HDLBP: variants seen among roughly 807,000 people sequenced by gnomAD.
HDLBP encodes high density lipoprotein binding protein.
HDLBP carries 30 observed loss-of-function variants against 137.3 expected under a neutral mutation model. The observed-to-expected ratio is 0.22, with a 90% CI of 0.16 to 0.30. The LOEUF (loss-of-function observed/expected upper bound fraction) is 0.30. Among genes scored for constraint, HDLBP ranks in the 10% least tolerant of loss-of-function variants. The pLI is 1.00. For synonymous variants in HDLBP, 606 were observed against 596.0 expected (o/e 1.02, Z -0.24); for missense variants, 1,119 against 1,667.3 (o/e 0.67, Z 5.73).
At chr2:241,277,248 GA>G (rs2074422579) in intron 1 of HDLBP, among the ~76,000 whole-genome samples, 2 of 151,302 alleles carry the variant, frequency 1.3e-5, no homozygotes, top group African/African-American at 4.9e-5. Flanking sequence ...TAGTGAAGAG[GA>G]AAAAAATAAA....
chr2:241,247,146 A>G lies in HDLBP; in HGVS notation c.1732-4T>C. 6.3e-7 allele frequency: 1 copy of G among 1,594,194 alleles called. No homozygotes were observed. Among genetic ancestry groups the G allele is most frequent in the Non-Finnish European group, 8.6e-7 (1 of 1,161,850 alleles). ...AAATTGAATAGCTATTTTCCACCTTAAAGACAAAAAACACAGCCCGATTCA... is the reference window on the plus strand; with the variant it reads ...AAATTGAATAGCTATTTTCCACCTTGAAGACAAAAAACACAGCCCGATTCA... On this transcript the variant is annotated splice_region_variant and splice_polypyrimidine_tract_variant and intron_variant, in intron 14 of 27. Transcript: ENST00000310931.
chr2:241,247,180 G>T, intron 14 of HDLBP, 38 bp from the exon 15 acceptor site: 1 of 1,315,586 alleles, frequency 7.6e-7, no homozygotes, highest in Non-Finnish European at 1.1e-6. Context: ...CACCACCTGT[G>T]CTAGAGAGTA....
At chr2:241,234,536 T>C (rs143954639) in intron 23 of HDLBP, among the ~76,000 whole-genome samples, 1 of 152,158 alleles carries the variant, frequency 6.6e-6, no homozygotes, top group South Asian at 2.1e-4. Flanking sequence ...GCCAACCCCC[T>C]TAGCAAACCA....
rs1409686466 is a variant in HDLBP at position 241,233,179 on chromosome 2, G to GCAGAGC, written c.3288+640_3288+641insGCTCTG. ...ACACGCCTAGGAAGCAGACACCCCA[G>GCAGAGC]CAGGATGCCAGAGCCAGGAAAGACC... On this transcript the variant is annotated intron_variant, in intron 24 of 27. Coordinates refer to ENST00000310931, the MANE Select transcript of HDLBP (RefSeq NM_005336.6). This position sits in a 1 kb window ranked among gnomAD's most constrained non-coding sequence, Gnocchi z 4.3. 3.3e-5 allele frequency among the ~76,000 whole-genome samples: 5 copies of GCAGAGC among 152,214 alleles called. No homozygotes were observed. Among genetic ancestry groups the GCAGAGC allele is most frequent in the Non-Finnish European group, 1.5e-5 (1 of 68,036 alleles).
intron 1 of HDLBP, among the ~76,000 whole-genome samples, chr2:241,288,848 T>G (rs2149645318): frequency 6.6e-6 from 1 of 152,294 alleles, no homozygotes; most frequent in Middle Eastern, 3.4e-3. Context: ...CCATTCCCCT[T>G]TAGTCCTGCA....
At chr2:241,307,086 A>C (rs1216832378) in intron 1 of HDLBP, among the ~76,000 whole-genome samples, 2 of 95,304 alleles carry the variant, frequency 2.1e-5, no homozygotes, top group South Asian at 4.2e-4. Flanking sequence ...GGCGGGGGGG[A>C]CAGGGGGGCA....
chr2:241,267,993 C>CT (rs1649384700), intron 2 of HDLBP: 1 of 974,380 alleles, frequency 1.0e-6, no homozygotes, highest in Non-Finnish European at 1.2e-6. Context: ...CTCTCCTTCC[C>CT]TCTCCTTCCC....
Position 241,272,694 on chromosome 2 carries a change from G to GC in HDLBP, c.-102-4154dup. The GC allele has an allele frequency of 3.9e-6, 2 of 513,984 alleles. No homozygotes were observed. The highest frequency in any genetic ancestry group is 9.8e-5 in the South Asian group (1 of 10,210). The allele number at this position is 513,984 out of a possible 1,614,324, so 31.8% of individuals were successfully genotyped here. ...GTCAGCAGCCACCCCCCACCCCCCC[G>GC]CCCGGCAGCCCGCCCGCCCCGTCCG... On this transcript the variant is annotated intron_variant, in intron 1 of 27. Coordinates refer to ENST00000310931, the MANE Select transcript of HDLBP (RefSeq NM_005336.6). The surrounding 1 kb of genome is among the most constrained non-coding windows in gnomAD (Gnocchi z 5.6).
At chr2:241,258,711 A>T (rs528129340) in intron 5 of HDLBP, among the ~76,000 whole-genome samples, 1 of 152,326 alleles carries the variant, frequency 6.6e-6, no homozygotes, top group Admixed American at 6.5e-5. Context: ...AACTTTCCTA[A>T]CAATGACTCA....
chr2:241,314,807 C>T (rs907411079), intron 1 of HDLBP, among the ~76,000 whole-genome samples: 1 of 152,184 alleles, frequency 6.6e-6, no homozygotes, highest in Non-Finnish European at 1.5e-5. Flanking sequence ...CTCAGGTTCC[C>T]AACACCATGC....
At chr2:241,235,345 A>C in intron 22 of HDLBP, 90 bp from the exon 23 acceptor site, 1 of 1,556,488 alleles carries the variant, frequency 6.4e-7, no homozygotes, top group African/African-American at 1.3e-5. Context: ...GGTGAGAGGG[A>C]AGGCCACCCG....
intron 17 of HDLBP, among the ~76,000 whole-genome samples, chr2:241,241,882 AG>A (rs1478457334): frequency 6.6e-6 from 1 of 152,224 alleles, no homozygotes; most frequent in Non-Finnish European, 1.5e-5. Flanking sequence ...AATCCTCGCC[AG>A]TCTCATCTTC....
intron 1 of HDLBP, chr2:241,302,828 C>G (rs967914207): frequency 6.6e-6 from 1 of 152,288 alleles, no homozygotes; most frequent in Admixed American, 6.5e-5. Flanking sequence ...TTGGCACCCA[C>G]GAGAAAACTG....
intron 1 of HDLBP, chr2:241,279,928 G>A: frequency 1.0e-6 from 1 of 985,164 alleles, no homozygotes; most frequent in Non-Finnish European, 1.2e-6. Flanking sequence ...TCCTCTCTTT[G>A]CTTTAACTTA....
intron 1 of HDLBP, among the ~76,000 whole-genome samples, chr2:241,290,409 G>A (rs1444132341): frequency 2.6e-5 from 4 of 152,034 alleles, no homozygotes; most frequent in African/African-American, 7.2e-5. Flanking sequence ...TCGGGAGTTC[G>A]AGACCAGCCT....
intron 1 of HDLBP, among the ~76,000 whole-genome samples, chr2:241,284,520 G>A (rs1367807689): frequency 2.6e-5 from 4 of 152,238 alleles, no homozygotes; most frequent in Non-Finnish European, 5.9e-5. Context: ...GATGCTGAAT[G>A]AAGATGTTGT....
chr2:241,264,583 C>G lies in HDLBP; in HGVS notation c.99G>C (p.Glu33Asp). 6.2e-7 allele frequency: 1 copy of G among 1,613,898 alleles called. No homozygotes were observed. The change falls in exon 4 of 28, where the codon GAG (glutamate) becomes GAC (aspartate). Residue 33 changes from glutamate to aspartate, a missense_variant. By Grantham distance (45) the Glu-to-Asp change is conservative. Coordinates refer to ENST00000310931, the MANE Select transcript of HDLBP (RefSeq NM_005336.6). Reference protein sequence around the residue: ...QIKVATLNSEEESDPPTYKDA... With the variant: ...QIKVATLNSEDESDPPTYKDA... ...CCTTGTAGGTTGGAGGGTCGCTCTC[C>G]TCTTCTGAATTTAGAGTGGCAACTG...
At chr2:241,276,333 G>A (rs1197377159) in intron 1 of HDLBP, among the ~76,000 whole-genome samples, 1 of 152,148 alleles carries the variant, frequency 6.6e-6, no homozygotes, top group Non-Finnish European at 1.5e-5. Flanking sequence ...TTAGGTGGTA[G>A]GTTCAGCGGT....
Position 241,239,336 on chromosome 2 carries a change from CCTCT to C in HDLBP, c.2610+262_2610+265del, listed in dbSNP as rs111731294. 1.3e-5 allele frequency among the ~76,000 whole-genome samples: 2 copies of C among 151,570 alleles called. No individual in the cohort carries two copies. The highest frequency in any genetic ancestry group is 1.5e-5 in the Non-Finnish European group (1 of 67,878). ...TTTCTTTCTTTCTCTTGCTTTCTTTCCTCTCTCTCTCTCCCCTCTCCTCTTCTCC... is the reference window on the plus strand; with the variant it reads ...TTTCTTTCTTTCTCTTGCTTTCTTTCCTCTCTCTCCCCTCTCCTCTTCTCC... On this transcript the variant is annotated intron_variant, in intron 19 of 27. Coordinates refer to ENST00000310931, the MANE Select transcript of HDLBP (RefSeq NM_005336.6). The surrounding 1 kb of genome is among the most constrained non-coding windows in gnomAD (Gnocchi z 4.6).
Sources: gnomAD v4.1 joint callset for allele counts (sites outside exome capture counted in the v4.1 genomes callset) on GRCh38, gnomAD v4.1.1 for gene constraint, Gnocchi (gnomAD v3.1) non-coding constraint, MANE v1.5 for transcripts, NCBI Gene and HGNC (gene_info 2026-07-23, HGNC 2026-07-21) for gene names.